Variants in CD55 observed in about 807,000 individuals in gnomAD.
CD55 encodes the protein complement decay-accelerating factor.
CD55 carries 41 observed loss-of-function variants against 45.8 expected under a neutral mutation model. That is an observed-to-expected ratio of 0.90 (90% CI 0.70 to 1.16). The LOEUF (loss-of-function observed/expected upper bound fraction) is 1.16. Among genes scored for constraint, CD55 ranks in the 50% most tolerant of loss-of-function variants. The probability of loss-of-function intolerance (pLI) is 0.00; values close to 1 mark genes in which losing one functional copy is unlikely to be tolerated. For synonymous variants in CD55, 181 were observed against 181.1 expected (o/e 1.00, Z 0.01); for missense variants, 416 against 469.8 (o/e 0.89, Z 1.06).
chr1:207,353,673 T>C (rs1396951060), intron 9 of CD55, among the ~76,000 whole-genome samples: 3 of 152,186 alleles, frequency 2.0e-5, no homozygotes, highest in Admixed American at 6.5e-5. Context: ...GTGATACGTT[T>C]AGTCTGGAAA....
At chr1:207,330,344 A>G (rs75729648) in intron 5 of CD55, among the ~76,000 whole-genome samples, 1 of 151,226 alleles carries the variant, frequency 6.6e-6, no homozygotes, top group African/African-American at 2.4e-5. Flanking sequence ...AAAAAAAAAA[A>G]GGACAACAAC....
At chr1:207,323,804 T>C (rs1277639460) in intron 2 of CD55, among the ~76,000 whole-genome samples, 1 of 152,236 alleles carries the variant, frequency 6.6e-6, no homozygotes, top group Non-Finnish European at 1.5e-5. Flanking sequence ...GTTATTACTT[T>C]ATCCAATCCT....
chr1:207,358,485 T>C (rs189490282), intron 9 of CD55: 1 of 152,318 alleles, frequency 6.6e-6, no homozygotes, highest in African/African-American at 2.4e-5. Flanking sequence ...CATAATTCAA[T>C]TCAATAGTTT....
intron 9 of CD55, among the ~76,000 whole-genome samples, chr1:207,356,164 A>T (rs770383613): frequency 6.6e-6 from 1 of 152,140 alleles, no homozygotes; most frequent in Non-Finnish European, 1.5e-5. Context: ...CTGGTACTCT[A>T]TTAATTGGTA....
At chr1:207,353,784 C>G (rs987349875) in intron 9 of CD55, among the ~76,000 whole-genome samples, 1 of 152,164 alleles carries the variant, frequency 6.6e-6, no homozygotes, top group African/African-American at 2.4e-5. Context: ...CTGTGGATGT[C>G]TCTCTGAGGA....
chr1:207,323,005 A>G (rs28371659), intron 2 of CD55, among the ~76,000 whole-genome samples: 4 of 152,280 alleles, frequency 2.6e-5, no homozygotes, highest in Non-Finnish European at 4.4e-5. Flanking sequence ...TTTATAGGGT[A>G]CATGTGATAT....
At chr1:207,356,082 A>G (rs1478848035) in intron 9 of CD55, among the ~76,000 whole-genome samples, 1 of 152,210 alleles carries the variant, frequency 6.6e-6, no homozygotes, top group African/African-American at 2.4e-5. Context: ...TTGTGAAACT[A>G]TAATGTAATT....
intron 7 of CD55, 26 bp from the exon 8 acceptor site, chr1:207,337,303 A>G (rs1655224558): frequency 1.4e-6 from 2 of 1,456,030 alleles, no homozygotes; most frequent in South Asian, 2.3e-5. Flanking sequence ...AGAGTACACA[A>G]AGATTCCCTT....
At chr1:207,355,241 A>T (rs1656031855) in intron 9 of CD55, among the ~76,000 whole-genome samples, 2 of 140,494 alleles carry the variant, frequency 1.4e-5, no homozygotes, top group African/African-American at 5.3e-5. Flanking sequence ...GTCACGTTAG[A>T]TTCAGTTACT....
At position 207,360,414 on chromosome 1, in the gene CD55, T is replaced by A. The variant is rs1461791586; in HGVS notation, c.*804T>A. ...TATTTATGACAGTGAACATTCTGAT[T>A]TTACATGTAAAACAAGAAAAGTTGA... On this transcript the variant is annotated 3_prime_UTR_variant, in exon 10 of 10. Coordinates refer to ENST00000367064, the MANE Select transcript of CD55 (RefSeq NM_000574.5). The A allele has an allele frequency of 6.6e-6, 1 of 152,160 alleles. No homozygotes were observed. The highest frequency in any genetic ancestry group is 1.5e-5 in the Non-Finnish European group (1 of 68,000). 9.4% of individuals were successfully genotyped at this position (152,160 alleles called of 1,614,324 possible). A position where few individuals can be genotyped will look rare whatever the true frequency, so the allele number is the denominator to read the frequency against.
intron 9 of CD55, among the ~76,000 whole-genome samples, chr1:207,343,076 CTCTT>C (rs1655495415): frequency 6.6e-6 from 1 of 151,948 alleles, no homozygotes; most frequent in Non-Finnish European, 1.5e-5. Context: ...TGGGGCTTCT[CTCTT>C]TTTTTCTTGG....
chr1:207,344,655 A>T (rs1655559330), intron 9 of CD55, among the ~76,000 whole-genome samples: 1 of 151,276 alleles, frequency 6.6e-6, no homozygotes. Context: ...CTGTTTTTAG[A>T]ACTCTCTCTG....
intron 1 of CD55, 48 bp downstream of exon 1, chr1:207,321,913 G>A (rs1572864836): frequency 1.5e-6 from 2 of 1,336,204 alleles, no homozygotes; most frequent in African/African-American, 3.0e-5. Context: ...TGGGTGGGAG[G>A]TCCAAGTCGG....
At chr1:207,323,671 G>A (rs551023456) in intron 2 of CD55, among the ~76,000 whole-genome samples, 3 of 152,248 alleles carry the variant, frequency 2.0e-5, no homozygotes, top group Non-Finnish European at 4.4e-5. Context: ...ACAGAAATTG[G>A]CACAAATACC....
At chr1:207,347,185 A>G (rs1655674715) in intron 9 of CD55, 1 of 456,250 alleles carries the variant, frequency 2.2e-6, no homozygotes, top group East Asian at 6.9e-5. Flanking sequence ...GACATCTTGA[A>G]GCCACTCCCC....
At position 207,359,582 on chromosome 1, in the gene CD55, C is replaced by T. The variant is rs753072611; in HGVS notation, c.1118C>T (p.Thr373Met). ...TCFTLTGLLG[T>M]LVTMGLLT ...TTCACGTTGACAGGTTTGCTTGGGACGCTAGTAACCATGGGCTTGCTGACT... is the reference window on the plus strand; with the variant it reads ...TTCACGTTGACAGGTTTGCTTGGGATGCTAGTAACCATGGGCTTGCTGACT... Residue 373 changes from threonine to methionine, a missense_variant, in exon 10 of 10, where the codon ACG becomes ATG. Thr to Met is a moderately conservative substitution (Grantham distance 81). This residue lies in a region of CD55 where 182 missense variants were observed against 201.4 expected (regional missense o/e 0.90). Transcript: ENST00000367064. The T allele has an allele frequency of 5.1e-5, 81 of 1,578,400 alleles. 1 individual carries two copies. The highest frequency in any genetic ancestry group is 1.1e-4 in the Admixed American group (6 of 54,098).
In CD55 at chr1:207,326,641, A is replaced by C. The variant is rs985669227; in HGVS notation, c.579-111A>C. ...GTGGACTTTTATCAACTACTGTTTT[A>C]TATTCACCTAATTGTGTAGTAAATA... On this transcript the variant is annotated intron_variant, in intron 4 of 9. Transcript: ENST00000367064. The C allele has an allele frequency of 3.8e-6, 3 of 791,476 alleles. No individual in the cohort carries two copies. In the African/African-American group the frequency reaches 5.2e-5, roughly 14 times the overall value. 49.0% of individuals were successfully genotyped at this position (791,476 alleles called of 1,614,324 possible). A position where few individuals can be genotyped will look rare whatever the true frequency, so the allele number is the denominator to read the frequency against.
intron 6 of CD55, 140 bp from the exon 7 acceptor site, chr1:207,336,553 A>T: frequency 1.1e-6 from 1 of 903,132 alleles, no homozygotes; most frequent in Non-Finnish European, 1.7e-6. Context: ...GAAATACTCA[A>T]TAAGAGTTGG....
chr1:207,341,538 C>T (rs1052737274), intron 9 of CD55, among the ~76,000 whole-genome samples: 1 of 151,978 alleles, frequency 6.6e-6, no homozygotes, highest in Non-Finnish European at 1.5e-5. Context: ...GTTCTTGGCA[C>T]CTTTGTAAAA....
Sources: gnomAD v4.1 joint callset for allele counts (sites outside exome capture counted in the v4.1 genomes callset) on GRCh38, gnomAD v4.1.1 for gene constraint, gnomAD v4.1.1 regional missense constraint, MANE v1.5 for transcripts, NCBI Gene and HGNC (gene_info 2026-07-23, HGNC 2026-07-21) for gene names.